Variants in RDX observed in about 807,000 individuals in gnomAD.
RDX encodes the protein deafness, autosomal recessive 24.
In RDX, 32 loss-of-function variants were observed where a neutral mutation model predicts 83.7. The observed-to-expected ratio is 0.38, with a 90% CI of 0.29 to 0.51. The LOEUF is 0.51. RDX is among the 20% of genes least tolerant of loss of function. RDX has a pLI of 0.87. For synonymous variants in RDX, 229 were observed against 222.7 expected (o/e 1.03, Z -0.25); for missense variants, 600 against 689.9 (o/e 0.87, Z 1.46).
chr11:110,264,990 G>T, intron 3 of RDX, 116 bp from the exon 4 acceptor site: 2 of 643,520 alleles, frequency 3.1e-6, no homozygotes, highest in Non-Finnish European at 2.6e-6. Context: ...ATATTCCTTT[G>T]CCATAGAAAA....
intron 10 of RDX, among the ~76,000 whole-genome samples, chr11:110,244,439 T>C (rs953473335): frequency 1.0e-4 from 15 of 149,308 alleles, no homozygotes; most frequent in African/African-American, 3.7e-4. Context: ...TTTAGAATAT[T>C]ATGTTAAACA....
At chr11:110,196,374 T>C (rs1450488969) in intron 15 of RDX, among the ~76,000 whole-genome samples, 1 of 152,160 alleles carries the variant, frequency 6.6e-6, no homozygotes, top group Non-Finnish European at 1.5e-5. Context: ...GATGTACAGA[T>C]TGTATCAAAA....
intron 2 of RDX, 62 bp from the exon 3 acceptor site, chr11:110,272,681 T>C (rs1166766352): frequency 8.2e-6 from 9 of 1,096,138 alleles, no homozygotes; most frequent in South Asian, 1.3e-5. Flanking sequence ...AGAAAACTTT[T>C]ATGATTTTCT....
intron 5 of RDX, among the ~76,000 whole-genome samples, chr11:110,259,645 G>A (rs1422279473): frequency 6.6e-6 from 1 of 152,140 alleles, no homozygotes; most frequent in Non-Finnish European, 1.5e-5. Context: ...TCTTCCTTCT[G>A]AGAGAGCTTA....
At chr11:110,257,991 A>C in intron 6 of RDX, 78 bp from the exon 7 acceptor site, 1 of 1,489,468 alleles carries the variant, frequency 6.7e-7, no homozygotes. Context: ...TGGAATTAAA[A>C]ATTAGTACTT....
At chr11:110,270,194 G>C (rs1860247817) in intron 3 of RDX, among the ~76,000 whole-genome samples, 1 of 145,680 alleles carries the variant, frequency 6.9e-6, no homozygotes, top group African/African-American at 2.6e-5. Context: ...TTAGACAATT[G>C]CATCATCGTA....
chr11:110,253,759 A>G, intron 9 of RDX, 187 bp downstream of exon 9: 1 of 602,530 alleles, frequency 1.7e-6, no homozygotes, highest in Non-Finnish European at 2.9e-6. Flanking sequence ...ATATGTGTCA[A>G]AGATTTCTAA....
At position 110,237,607 on chromosome 11, in the gene RDX, C is replaced by A. The variant is rs759574395; in HGVS notation, c.1136G>T (p.Arg379Leu). Residue 379 changes from arginine (R) to leucine (L), a missense_variant, in exon 11 of 14, where the codon CGA (arginine) becomes CTA (leucine). Transcript: ENST00000645495. ...TRKALELDQE[R>L]KRAKEEAERL... ...TTCTGCTTCTTCTTTTGCTCGTTTT[C>A]GTTCTTGATCCAGTTCTAGAGCTTT... 1 of 1,614,144 alleles carries A rather than the reference C, an allele frequency of 6.2e-7. No individual in the cohort carries two copies. Among genetic ancestry groups the A allele is most frequent in the East Asian group, 2.2e-5 (1 of 44,876 alleles).
chr11:110,189,233 G>A (rs911963212), intron 15 of RDX, among the ~76,000 whole-genome samples: 65 of 23,164 alleles, frequency 2.8e-3, no homozygotes, highest in African/African-American at 8.3e-3. Context: ...AACTTTAAAT[G>A]AACAACAGGT....
At chr11:110,263,530 AC>A (rs1320145915) in intron 5 of RDX, 1 of 156,294 alleles carries the variant, frequency 6.4e-6, no homozygotes, top group Non-Finnish European at 1.4e-5. Flanking sequence ...TTAGAAGTAT[AC>A]CCCATGATCC....
At chr11:110,280,097 T>C (rs929868408) in intron 1 of RDX, among the ~76,000 whole-genome samples, 1 of 152,164 alleles carries the variant, frequency 6.6e-6, no homozygotes, top group Non-Finnish European at 1.5e-5. Context: ...TCCAGGATGT[T>C]AGAGAAAGGA....
chr11:110,284,119 G>C (rs1341376078), intron 1 of RDX, among the ~76,000 whole-genome samples: 1 of 152,158 alleles, frequency 6.6e-6, no homozygotes, highest in Non-Finnish European at 1.5e-5. Flanking sequence ...GAACAACGTT[G>C]GTAAACAAGT....
In RDX at chr11:110,263,946, C is replaced by T; in HGVS notation, c.467+14G>A. 6.2e-7 allele frequency: 1 copy of T among 1,610,836 alleles called. No homozygotes were observed. The highest frequency in any genetic ancestry group is 1.1e-5 in the South Asian group (1 of 90,910). On this transcript the variant is annotated intron_variant, in intron 5 of 13. Coordinates refer to ENST00000645495, the MANE Select transcript of RDX (RefSeq NM_002906.4). ...ATTTTCAGACAATATAATGCAAACG[C>T]ATGTTTCACTTACCGCTGGGGTAGG... is the stretch of plus-strand genomic sequence containing the variant.
chr11:110,240,601 C>T (rs1565309729), intron 10 of RDX, among the ~76,000 whole-genome samples: 7 of 151,232 alleles, frequency 4.6e-5, no homozygotes, highest in Admixed American at 2.0e-4. Flanking sequence ...AAAAATTAGC[C>T]GGGCGTGGTA....
intron 1 of RDX, among the ~76,000 whole-genome samples, chr11:110,295,284 C>T (rs1247896059): frequency 7.8e-6 from 1 of 128,522 alleles, no homozygotes; most frequent in East Asian, 2.3e-4. Flanking sequence ...CTCCATCAGT[C>T]ATATAAAAGA....
At position 110,253,972 on chromosome 11, in the gene RDX, C is replaced by T; in HGVS notation, c.933G>A (p.Glu311=). Residue 311 remains glutamate (E), a synonymous_variant, in exon 9 of 14, where the codon GAG becomes GAA. Transcript: ENST00000645495. ...EVQQMKAQAR[E]EKHQKQLERA... ...TTTCCAACTGCTTCTGATGTTTCTC[C>T]TCCCTAGCCTGAGCCTTCATCTGTT... The T allele has an allele frequency of 6.2e-7, 1 of 1,613,662 alleles. No individual in the cohort carries two copies. Among genetic ancestry groups the T allele is most frequent in the Non-Finnish European group, 8.5e-7 (1 of 1,179,780 alleles).
At chr11:110,227,190 T>C (rs1348030453), downstream of RDX, among the ~76,000 whole-genome samples, 1 of 151,644 alleles carries the variant, frequency 6.6e-6, no homozygotes, top group Non-Finnish European at 1.5e-5. Context: ...TTGAAAAAAA[T>C]AAAAGGGATA....
intron 14 of RDX, among the ~76,000 whole-genome samples, chr11:110,219,552 T>A (rs1864174649): frequency 6.6e-6 from 1 of 152,204 alleles, no homozygotes. Context: ...CACTGATGGC[T>A]GTGGAGGATG....
chr11:110,238,906 C>T (rs894142972), intron 10 of RDX, among the ~76,000 whole-genome samples: 54 of 143,968 alleles, frequency 3.8e-4, no homozygotes, highest in Non-Finnish European at 6.3e-4. Flanking sequence ...GCCTGGGCGA[C>T]GGAGCAAGAC....
Sources: allele counts gnomAD v4.1 joint callset (sites outside exome capture counted in the v4.1 genomes callset), GRCh38; gene constraint gnomAD v4.1.1; transcripts MANE v1.5; gene names NCBI Gene and HGNC (gene_info 2026-07-23, HGNC 2026-07-21).